The following REV3L variants were observed in gnomAD, a reference collection of about 807,000 sequenced individuals.
The protein encoded by REV3L is REV3 like, DNA directed polymerase zeta catalytic subunit.
In REV3L, 69 loss-of-function variants were observed where a neutral mutation model predicts 299.4. The observed-to-expected ratio is 0.23, with a 90% CI of 0.19 to 0.28. The LOEUF is 0.28. Among genes scored for constraint, REV3L ranks in the 10% least tolerant of loss-of-function variants. REV3L has a pLI of 1.00. For missense variants in REV3L, 3,128 were observed against 3,693.8 expected (o/e 0.85, Z 3.97); for synonymous variants, 1,238 against 1,271.4 (o/e 0.97, Z 0.56).
chr6:111,387,726 G>T (rs1254659458), intron 9 of REV3L, 39 bp downstream of exon 9: 1 of 1,571,082 alleles, frequency 6.4e-7, no homozygotes, highest in Admixed American at 1.7e-5. Context: ...CTAGATATCT[G>T]TTCTAGTAGT....
intron 1 of REV3L, among the ~76,000 whole-genome samples, chr6:111,440,529 A>T (rs924215952): frequency 6.6e-6 from 1 of 152,232 alleles, no homozygotes; most frequent in South Asian, 2.1e-4. Flanking sequence ...TATAAGGGAC[A>T]GCCCTCCTGT....
chr6:111,424,079 G>A (rs1785887702), intron 1 of REV3L, among the ~76,000 whole-genome samples: 1 of 152,158 alleles, frequency 6.6e-6, no homozygotes, highest in Admixed American at 6.5e-5. Context: ...CAATACAAGA[G>A]AAGGGACCTA....
Position 111,374,373 on chromosome 6 carries a change from C to G in REV3L, c.3982G>C (p.Gly1328Arg). 2 of 1,613,876 alleles carry G rather than the reference C, an allele frequency of 1.2e-6. No homozygotes were observed. The highest frequency in any genetic ancestry group is 1.7e-6 in the Non-Finnish European group (2 of 1,179,868). The change falls in exon 13 of 32, where the codon GGA becomes CGA. Residue 1328 changes from glycine (G) to arginine (R), a missense_variant. Physicochemically the swap from Gly to Arg is moderately radical, Grantham distance 125. Coordinates refer to ENST00000368802, the MANE Select transcript of REV3L (RefSeq NM_001372078.1). ...ACATTAATTTTTGAGACTCCAGGTC[C>G]TATAGAATTACAAACAACTGATGGA... is the stretch of plus-strand genomic sequence containing the variant. ...LHPSVVCNSIGPGVSKINVQR... is the reference protein window; with the variant it reads ...LHPSVVCNSIRPGVSKINVQR...
At chr6:111,419,949 G>A (rs1050709190) in intron 1 of REV3L, among the ~76,000 whole-genome samples, 6 of 151,772 alleles carry the variant, frequency 4.0e-5, no homozygotes, top group African/African-American at 1.5e-4. Flanking sequence ...GGCTCACGCC[G>A]TTCTCCTGCC....
At chr6:111,338,253 C>T (rs1194806130) in intron 21 of REV3L, among the ~76,000 whole-genome samples, 1 of 136,224 alleles carries the variant, frequency 7.3e-6, no homozygotes, top group African/African-American at 2.9e-5. Flanking sequence ...TAATTTGTTT[C>T]GGAAAATGTG....
At chr6:111,315,802 C>A (rs536339292) in intron 26 of REV3L, among the ~76,000 whole-genome samples, 1 of 152,176 alleles carries the variant, frequency 6.6e-6, no homozygotes, top group African/African-American at 2.4e-5. Flanking sequence ...TTGTGAACTG[C>A]GCACAAGTGA....
At chr6:111,346,419 T>C (rs1489472264) in intron 20 of REV3L, among the ~76,000 whole-genome samples, 1 of 152,226 alleles carries the variant, frequency 6.6e-6, no homozygotes, top group Non-Finnish European at 1.5e-5. Context: ...GCAGGAGTTC[T>C]ATGTTCAAAG....
chr6:111,456,077 A>G (rs937699555), intron 1 of REV3L, among the ~76,000 whole-genome samples: 4 of 152,182 alleles, frequency 2.6e-5, no homozygotes, highest in African/African-American at 7.2e-5. Flanking sequence ...TTATTTATAC[A>G]TATTTTTTCT....
chr6:111,468,818 T>C (rs1791829850), intron 1 of REV3L, among the ~76,000 whole-genome samples: 1 of 152,198 alleles, frequency 6.6e-6, no homozygotes. Flanking sequence ...TCTACTTTTA[T>C]AGAATTCTGT....
At chr6:111,356,691 A>T (rs1246211883) in intron 18 of REV3L, 1 of 161,000 alleles carries the variant, frequency 6.2e-6, no homozygotes, top group African/African-American at 2.4e-5. Flanking sequence ...GGAACTTTAT[A>T]CAGTTCTCCA....
chr6:111,409,712 G>A (rs983675974), intron 3 of REV3L, among the ~76,000 whole-genome samples: 1 of 152,142 alleles, frequency 6.6e-6, no homozygotes, highest in African/African-American at 2.4e-5. Flanking sequence ...CATACAGCAC[G>A]CAGGGAAGGG....
chr6:111,467,777 G>A (rs1256838515), intron 1 of REV3L, among the ~76,000 whole-genome samples: 2 of 152,100 alleles, frequency 1.3e-5, no homozygotes, highest in Admixed American at 6.5e-5. Flanking sequence ...GAGCATCTGT[G>A]GATTTTTATA....
chr6:111,343,184 T>TCAACA (rs1173156710), intron 21 of REV3L, among the ~76,000 whole-genome samples: 2 of 152,208 alleles, frequency 1.3e-5, no homozygotes, highest in Non-Finnish European at 2.9e-5. Flanking sequence ...CAAATGTCCA[T>TCAACA]CAACAGGTGG....
Position 111,363,957 on chromosome 6 carries a change from T to C in REV3L, c.6775A>G (p.Thr2259Ala). Residue 2259 changes from threonine to alanine, a missense_variant, in exon 16 of 32, where the codon ACC becomes GCC. Thr to Ala is a moderately conservative substitution (Grantham distance 58, BLOSUM62 0). Around this residue, in one of 9 missense-constraint regions of REV3L, gnomAD observed 2,409 missense variants for 2,611.8 expected, o/e 0.92. Transcript: ENST00000368802. The stretch of plus-strand genomic sequence containing the variant: ...ATCTGAGAAGTTTCTTTCTGTGGGG[T>C]ATTTACTGCTGCAAATTGATTCTAT... ...QAKNQFAAVNTPQKETSQIDG... is the reference protein window; with the variant it reads ...QAKNQFAAVNAPQKETSQIDG... 6.2e-7 allele frequency: 1 copy of C among 1,611,710 alleles called. No homozygotes were observed. Among genetic ancestry groups the C allele is most frequent in the Non-Finnish European group, 8.5e-7 (1 of 1,179,204 alleles).
chr6:111,313,388 T>G lies in REV3L; in HGVS notation c.8568A>C (p.Glu2856Asp). The G allele has an allele frequency of 6.2e-7, 1 of 1,613,540 alleles. No homozygotes were observed. The highest frequency in any genetic ancestry group is 8.5e-7 in the Non-Finnish European group (1 of 1,179,842). ...CAGGGCAGGAATCTCTTCTGACTGT[T>G]TCTATTCCTTTTGCATCAAATACTG... ...KDPVFDAKGI[E>D]TVRRDSCPAV... is the part of the protein sequence containing the mutation. Residue 2856 changes from glutamate to aspartate, a missense_variant, in exon 28 of 32, where the codon GAA becomes GAC. This residue lies in a region of REV3L where 294 missense variants were observed against 377.0 expected (regional missense o/e 0.78). Coordinates refer to ENST00000368802, the MANE Select transcript of REV3L (RefSeq NM_001372078.1).
chr6:111,468,079 C>T (rs142897038), intron 1 of REV3L, among the ~76,000 whole-genome samples: 8 of 152,220 alleles, frequency 5.3e-5, no homozygotes, highest in East Asian at 3.9e-4. Flanking sequence ...CCGGTCAAAA[C>T]GACTGATGTC....
intron 21 of REV3L, among the ~76,000 whole-genome samples, chr6:111,337,156 GTAAT>G (rs1775986210): frequency 6.6e-6 from 1 of 152,042 alleles, no homozygotes; most frequent in East Asian, 1.9e-4. Context: ...TCCATTTAGA[GTAAT>G]TAAAATAGTA....
chr6:111,360,425 G>GTA (rs1178345007), intron 16 of REV3L, among the ~76,000 whole-genome samples: 1 of 149,436 alleles, frequency 6.7e-6, no homozygotes, highest in East Asian at 1.9e-4. Context: ...AGTATTTTTG[G>GTA]TATATATACT....
At chr6:111,303,676 TTTTTTTTTTTTTAACA>T (rs1771900584) in intron 31 of REV3L, among the ~76,000 whole-genome samples, 1 of 88,756 alleles carries the variant, frequency 1.1e-5, no homozygotes, top group Non-Finnish European at 3.1e-5. Context: ...CGAGGCTTTT[TTTTTTTTTTTTTAACA>T]GACTATGACT....
Sources: gnomAD v4.1 joint callset for allele counts (sites outside exome capture counted in the v4.1 genomes callset) on GRCh38, gnomAD v4.1.1 for gene constraint, gnomAD v4.1.1 regional missense constraint, MANE v1.5 for transcripts, NCBI Gene and HGNC (gene_info 2026-07-23, HGNC 2026-07-21) for gene names.